The following KIAA1614 variants were observed in gnomAD, a reference collection of about 807,000 sequenced individuals.
KIAA1614 encodes KIAA1614, also known as uncharacterized protein KIAA1614.
KIAA1614 carries 76 observed loss-of-function variants against 88.7 expected under a neutral mutation model. That is an observed-to-expected ratio of 0.86 (90% CI 0.71 to 1.04). The LOEUF (loss-of-function observed/expected upper bound fraction) is 1.04, where lower values mean the gene tolerates loss of function less well. Among genes scored for constraint, KIAA1614 ranks in the 50% least tolerant of loss-of-function variants. The pLI is 0.00. For synonymous variants in KIAA1614, 714 were observed against 675.5 expected, an observed-to-expected ratio of 1.06 and a Z score of -0.88; for missense variants, 1,553 against 1,582.5, an observed-to-expected ratio of 0.98 and a Z score of 0.32.
intron 7 of KIAA1614, 82 bp downstream of exon 7, chr1:180,941,367 A>G: frequency 2.0e-6 from 3 of 1,494,466 alleles, no homozygotes; most frequent in South Asian, 1.3e-5. Flanking sequence ...AGGAGGGAGG[A>G]GGTGATGAGG....
Position 180,945,726 on chromosome 1 carries a change from A to C in KIAA1614, c.*138A>C. ...TTTGCCCTAGGCAACTGCAGCTGAG[A>C]GTGCGTTGGTGGGGAGTGTGCGGGA... On this transcript the variant is annotated 3_prime_UTR_variant, in exon 9 of 9. Coordinates refer to ENST00000367588, the MANE Select transcript of KIAA1614 (RefSeq NM_020950.2). The C allele has an allele frequency of 7.2e-7, 1 of 1,395,410 alleles. No individual in the cohort carries two copies. The highest frequency in any genetic ancestry group is 1.5e-5 in the African/African-American group (1 of 67,070). The allele number at this position is 1,395,410 out of a possible 1,614,324, so 86.4% of individuals were successfully genotyped here. A position where few individuals can be genotyped will look rare whatever the true frequency, so the allele number is the denominator to read the frequency against.
At position 180,935,421 on chromosome 1, in the gene KIAA1614, C is replaced by T. The variant is rs749436710; in HGVS notation, c.1512C>T (p.Leu504=). 4 of 1,473,482 alleles carry T rather than the reference C, an allele frequency of 2.7e-6. No homozygotes were observed. Among genetic ancestry groups the T allele is most frequent in the Non-Finnish European group, 3.6e-6 (4 of 1,118,976 alleles). 91.3% of individuals were successfully genotyped at this position (1,473,482 alleles called of 1,614,324 possible). Residue 504 remains leucine (L), a synonymous_variant, in exon 5 of 9, where the codon CTC becomes CTT. Coordinates refer to ENST00000367588, the MANE Select transcript of KIAA1614 (RefSeq NM_020950.2). This position sits in a 1 kb window ranked among gnomAD's most constrained non-coding sequence, Gnocchi z 6.1. Reference sequence around the variant, plus strand: ...ACTACATCAACGGGGCTCCCCGGCTCCGGGACGCGGGGCAGGGGACATTCC... The same window carrying T: ...ACTACATCAACGGGGCTCCCCGGCTTCGGGACGCGGGGCAGGGGACATTCC... ...LADYINGAPR[L]RDAGQGTFHR...
At position 180,944,530 on chromosome 1, in the gene KIAA1614, A is replaced by T. The variant is rs1387179655; in HGVS notation, c.3287+14A>T. On this transcript the variant is annotated intron_variant, in intron 8 of 8. Transcript: ENST00000367588. ...TGCAGCTGGCAGGTATGAGGGGCAC[A>T]CATGGTTTGGAGGATAAACTCAGAG... is the stretch of plus-strand genomic sequence containing the variant. 6.2e-7 allele frequency: 1 copy of T among 1,611,850 alleles called. No homozygotes were observed. The highest frequency in any genetic ancestry group is 1.1e-5 in the South Asian group (1 of 90,966).
At chr1:180,940,129 A>C (rs973359249) in intron 6 of KIAA1614, among the ~76,000 whole-genome samples, 4 of 152,194 alleles carry the variant, frequency 2.6e-5, no homozygotes, top group Non-Finnish European at 4.4e-5. Context: ...TAAGCTCCTG[A>C]GAGTAGGCAC....
At chr1:180,917,146 A>G in intron 2 of KIAA1614, 46 bp downstream of exon 2, 2 of 1,504,786 alleles carry the variant, frequency 1.3e-6, no homozygotes, top group Middle Eastern at 1.9e-4. Context: ...AGCAGGAGGG[A>G]ATCCAGAGGG....
chr1:180,944,365 G>T, intron 7 of KIAA1614, 24 bp from the exon 8 acceptor site: 3 of 1,608,114 alleles, frequency 1.9e-6, no homozygotes, highest in Non-Finnish European at 1.7e-6. Flanking sequence ...TTTCTCACCC[G>T]CAATATTGTC....
Position 180,948,710 on chromosome 1 carries a change from GA to G in KIAA1614, c.*3123del, listed in dbSNP as rs1654656693. 1 of 152,242 alleles carries G rather than the reference GA, an allele frequency of 6.6e-6. No individual in the cohort carries two copies. The highest frequency in any genetic ancestry group is 2.4e-5 in the African/African-American group (1 of 41,448). 9.4% of individuals were successfully genotyped at this position (152,242 alleles called of 1,614,324 possible). ...CAAGCAGTGAAAGGTCCATCTAGAG[GA>G]GGTAAAAGACAGGGCTGAGGGAAAA... On this transcript the variant is annotated 3_prime_UTR_variant, in exon 9 of 9. Coordinates refer to ENST00000367588, the MANE Select transcript of KIAA1614 (RefSeq NM_020950.2).
intron 6 of KIAA1614, 41 bp from the exon 7 acceptor site, chr1:180,941,004 C>CCGGG: frequency 6.4e-5 from 59 of 915,294 alleles, no homozygotes; most frequent in Non-Finnish European, 7.6e-5. Context: ...GCCACCCTCC[C>CCGGG]GGCCCTCCCC....
At chr1:180,915,983 C>T (rs955995679) in intron 1 of KIAA1614, among the ~76,000 whole-genome samples, 171 bp from the exon 2 acceptor site, 8 of 152,204 alleles carry the variant, frequency 5.3e-5, no homozygotes, top group African/African-American at 1.9e-4. Flanking sequence ...AAACCAGTCC[C>T]TCTGGTGCCA....
intron 4 of KIAA1614, among the ~76,000 whole-genome samples, chr1:180,932,227 G>A (rs1368368014): frequency 7.2e-5 from 11 of 152,118 alleles, no homozygotes; most frequent in Non-Finnish European, 1.5e-4. Context: ...ATTGAGATGA[G>A]TAGTGAGATC....
rs1653798362 is a variant in KIAA1614 at position 180,916,352 on chromosome 1, G to A, written c.249G>A (p.Leu83=). 2 of 1,614,164 alleles carry A rather than the reference G, an allele frequency of 1.2e-6. No individual in the cohort carries two copies. The highest frequency in any genetic ancestry group is 1.7e-6 in the Non-Finnish European group (2 of 1,180,034). ...TACAGCTCCAGGGCCCCTCTGTGCT[G>A]GAATCCAAGGTGAGGGCTTTGAAGG... ...WGVQLQGPSV[L]ESKVRALKEK... is the part of the protein sequence containing the mutation. The change falls in exon 2 of 9, where the codon CTG becomes CTA. Residue 83 remains leucine (L), a synonymous_variant. Coordinates refer to ENST00000367588, the MANE Select transcript of KIAA1614 (RefSeq NM_020950.2).
At chr1:180,928,003 G>C (rs1654106037) in intron 3 of KIAA1614, 1 of 158,558 alleles carries the variant, frequency 6.3e-6, no homozygotes, top group Non-Finnish European at 1.4e-5. Flanking sequence ...AGGAGAGAGA[G>C]GTGATGCGTG....
In KIAA1614 at chr1:180,913,112, C is replaced by T; in HGVS notation, c.-132C>T. 1 of 612,586 alleles carries T rather than the reference C, an allele frequency of 1.6e-6. No homozygotes were observed. Among genetic ancestry groups the T allele is most frequent in the Non-Finnish European group, 2.3e-6 (1 of 426,384 alleles). 37.9% of individuals were successfully genotyped at this position (612,586 alleles called of 1,614,324 possible). A position where few individuals can be genotyped will look rare whatever the true frequency, so the allele number is the denominator to read the frequency against. On this transcript the variant is annotated 5_prime_UTR_variant, in exon 1 of 9. Transcript: ENST00000367588. ...GCGCCGTCCCGGACCCCCAGTCGGC[C>T]GCGCCCCGAGGGGCGAGGCCTGCGG...
chr1:180,941,065 C>G lies in KIAA1614; in HGVS notation c.2939C>G (p.Thr980Arg). The change falls in exon 7 of 9, where the codon ACA (threonine) becomes AGA (arginine). Residue 980 changes from threonine to arginine, a missense_variant. Physicochemically the swap from Thr to Arg is moderately conservative, Grantham distance 71. Coordinates refer to ENST00000367588, the MANE Select transcript of KIAA1614 (RefSeq NM_020950.2). The stretch of plus-strand genomic sequence containing the variant: ...TTCAGAGCATCAGCAGGAGCTGGCA[C>G]AGGACCCGGCTCCCCCTCGGCTGCC... ...VLSRASAGAGTGPGSPSAAPL... is the reference protein window; with the variant it reads ...VLSRASAGAGRGPGSPSAAPL... 9 of 1,603,068 alleles carry G rather than the reference C, an allele frequency of 5.6e-6. No homozygotes were observed. The highest frequency in any genetic ancestry group is 6.8e-6 in the Non-Finnish European group (8 of 1,174,728).
chr1:180,949,805 A>T lies in KIAA1614; in HGVS notation c.*4217A>T, dbSNP rs1363017477. The T allele has an allele frequency of 2.6e-5, 4 of 152,214 alleles. No homozygotes were observed. The highest frequency in any genetic ancestry group is 2.0e-4 in the Admixed American group (3 of 15,282). The allele number at this position is 152,214 out of a possible 1,614,324, so 9.4% of individuals were successfully genotyped here. On this transcript the variant is annotated 3_prime_UTR_variant, in exon 9 of 9. Coordinates refer to ENST00000367588, the MANE Select transcript of KIAA1614 (RefSeq NM_020950.2). ...ACTGAGGCCAGTGTCAGTCTTTGGC[A>T]ATAGAGTGCAGCAAACCAGGCTTGG... is the stretch of plus-strand genomic sequence containing the variant.
intron 7 of KIAA1614, among the ~76,000 whole-genome samples, chr1:180,943,547 G>GTTTTTTTTTTTTTTTTTTTT (rs1558073455): frequency 6.4e-5 from 1 of 15,610 alleles, no homozygotes; most frequent in Non-Finnish European, 1.2e-4. Context: ...AATGGTAGTA[G>GTTTTTTTTTTTTTTTTTTTT]ATCTTTTTTT....
intron 2 of KIAA1614, 145 bp downstream of exon 2, chr1:180,917,245 A>G: frequency 1.5e-6 from 1 of 666,710 alleles, no homozygotes; most frequent in South Asian, 1.9e-5. Flanking sequence ...AATCATCAGG[A>G]TGGCCTCTTG....
In KIAA1614 at chr1:180,945,402, C is replaced by G. The variant is rs149708476; in HGVS notation, c.3387C>G (p.Asp1129Glu). The change falls in exon 9 of 9, where the codon GAC (aspartate) becomes GAG (glutamate). Residue 1129 changes from aspartate (D) to glutamate (E), a missense_variant. By Grantham distance (45) the Asp-to-Glu change is conservative. Transcript: ENST00000367588. ...TVGRLVEVFP[D>E]GTSQLQLQRS... ...GCCGCCTGGTGGAGGTGTTCCCAGA[C>G]GGCACCAGCCAGCTGCAGCTGCAGC... The G allele has an allele frequency of 1.2e-6, 2 of 1,604,114 alleles. No homozygotes were observed. Among genetic ancestry groups the G allele is most frequent in the Non-Finnish European group, 1.7e-6 (2 of 1,177,046 alleles).
In KIAA1614 at chr1:180,917,045, C is replaced by A; in HGVS notation, c.942C>A (p.Ser314Arg). Residue 314 changes from serine to arginine, a missense_variant, in exon 2 of 9, where the codon AGC (serine) becomes AGA (arginine). Physicochemically the swap from Ser to Arg is moderately radical, Grantham distance 110. Coordinates refer to ENST00000367588, the MANE Select transcript of KIAA1614 (RefSeq NM_020950.2). ...AGATGCTCAACGTTTCTGGGCAGAGCCCCCGCAAGGTGGGAACCCCTGCCT... is the reference window on the plus strand; with the variant it reads ...AGATGCTCAACGTTTCTGGGCAGAGACCCCGCAAGGTGGGAACCCCTGCCT... ...LQEMLNVSGQ[S>R]PRKVGTPAWT... 1.2e-6 allele frequency: 2 copies of A among 1,613,744 alleles called. No homozygotes were observed. The highest frequency in any genetic ancestry group is 8.5e-7 in the Non-Finnish European group (1 of 1,180,028).
Sources: allele counts gnomAD v4.1 joint callset (sites outside exome capture counted in the v4.1 genomes callset), GRCh38; gene constraint gnomAD v4.1.1; non-coding constraint Gnocchi (gnomAD v3.1); transcripts MANE v1.5; gene names NCBI Gene and HGNC (gene_info 2026-07-23, HGNC 2026-07-21).